The following FGF12 variants were observed in gnomAD, a reference collection of about 807,000 sequenced individuals.
FGF12 encodes the protein fibroblast growth factor 12B.
Under a neutral mutation model 23.6 loss-of-function variants are expected in FGF12, and 14 were observed. The observed-to-expected ratio is 0.59, with a 90% CI of 0.39 to 0.93. The LOEUF (loss-of-function observed/expected upper bound fraction) is 0.93. Ranked by LOEUF, FGF12 falls within the 40% of genes least tolerant of loss-of-function variation. The probability of loss-of-function intolerance (pLI) is 0.00; values close to 1 mark genes in which losing one functional copy is unlikely to be tolerated. For missense variants in FGF12, 175 were observed against 217.8 expected (o/e 0.80, Z 1.24); for synonymous variants, 62 against 77.3 (o/e 0.80, Z 1.04).
At chr3:192,435,092 C>T (rs1189740557) in intron 2 of FGF12, among the ~76,000 whole-genome samples, 1 of 152,144 alleles carries the variant, frequency 6.6e-6, no homozygotes, top group Non-Finnish European at 1.5e-5. Flanking sequence ...TTTTCCTCAA[C>T]AGGGTAAGTG....
At chr3:192,228,254 A>T (rs1449249520) in intron 4 of FGF12, among the ~76,000 whole-genome samples, 1 of 152,112 alleles carries the variant, frequency 6.6e-6, no homozygotes, top group Non-Finnish European at 1.5e-5. Flanking sequence ...TACTCCATAC[A>T]TATAAAAAAT....
At chr3:192,230,914 A>AC (rs1209918389) in intron 4 of FGF12, among the ~76,000 whole-genome samples, 1 of 152,214 alleles carries the variant, frequency 6.6e-6, no homozygotes, top group Non-Finnish European at 1.5e-5. Context: ...AATTTTCAAA[A>AC]CAAGAAATGA....
chr3:192,190,736 A>G (rs1716748146), intron 4 of FGF12, among the ~76,000 whole-genome samples: 1 of 152,028 alleles, frequency 6.6e-6, no homozygotes, highest in African/African-American at 2.4e-5. Context: ...CGGCCTCCCA[A>G]AGTGCTGGGA....
At chr3:192,573,087 T>C (rs960805918) in intron 2 of FGF12, among the ~76,000 whole-genome samples, 2 of 151,890 alleles carry the variant, frequency 1.3e-5, no homozygotes, top group Admixed American at 1.3e-4. Flanking sequence ...TACTAAAGAG[T>C]CTCATTCTAT....
intron 2 of FGF12, among the ~76,000 whole-genome samples, chr3:192,416,940 T>G (rs1487784873): frequency 1.3e-5 from 2 of 152,120 alleles, no homozygotes. Flanking sequence ...AGAATATTTC[T>G]TTAAACAGTA....
chr3:192,664,586 T>TAAA (rs1716786499), intron 2 of FGF12, among the ~76,000 whole-genome samples: 1 of 47,242 alleles, frequency 2.1e-5, no homozygotes, highest in African/African-American at 9.3e-5. Context: ...CTGTCTCTAC[T>TAAA]AAAAATACAA....
In FGF12 at chr3:192,409,539, G is replaced by A. The variant is rs750819899; in HGVS notation, c.14-49001C>T. ...GCAGCAGATCAGATGGGGATTACCC[G>A]CCGGACGCAAGGCCGATCACTCAGT... On this transcript the variant is annotated intron_variant, in intron 2 of 5. Coordinates refer to ENST00000445105, the MANE Select transcript of FGF12 (RefSeq NM_004113.6). The surrounding 1 kb of genome is among the most constrained non-coding windows in gnomAD (Gnocchi z 4.8). 2.0e-5 allele frequency among the ~76,000 whole-genome samples: 3 copies of A among 152,230 alleles called. No homozygotes were observed. Among genetic ancestry groups the A allele is most frequent in the African/African-American group, 7.2e-5 (3 of 41,470 alleles).
At chr3:192,701,261 C>T (rs1718287321) in intron 2 of FGF12, among the ~76,000 whole-genome samples, 1 of 152,122 alleles carries the variant, frequency 6.6e-6, no homozygotes, top group South Asian at 2.1e-4. Context: ...TTTGAGTTGT[C>T]CTGTCTTTCC....
intron 4 of FGF12, among the ~76,000 whole-genome samples, chr3:192,239,961 T>G (rs966351330): frequency 5.3e-5 from 8 of 152,162 alleles, no homozygotes; most frequent in African/African-American, 1.4e-4. Flanking sequence ...AAAAGTTGTA[T>G]TAGACACTAT....
At position 192,205,346 on chromosome 3, in the gene FGF12, C is replaced by G. The variant is rs114975798; in HGVS notation, c.229-34690G>C. On this transcript the variant is annotated intron_variant, in intron 4 of 5. Coordinates refer to ENST00000445105, the MANE Select transcript of FGF12 (RefSeq NM_004113.6). The stretch of plus-strand genomic sequence containing the variant: ...AAAGAAATACCGCCAACTACCATAC[C>G]ATATCCTACCCCCATGTTAATATAA... Among the ~76,000 whole-genome samples, 1,108 of 152,210 alleles carry G rather than the reference C, an allele frequency of 7.3e-3. 7 individuals are homozygous for G. The highest frequency in any genetic ancestry group is 0.012 in the Non-Finnish European group (846 of 68,004).
At chr3:192,263,543 A>G (rs572276143) in intron 4 of FGF12, among the ~76,000 whole-genome samples, 2 of 151,206 alleles carry the variant, frequency 1.3e-5, no homozygotes, top group Admixed American at 6.6e-5. Flanking sequence ...AATAAAAAAA[A>G]AGAGGGAAAA....
At position 192,227,883 on chromosome 3, in the gene FGF12, T is replaced by A. The variant is rs138045390; in HGVS notation, c.229-57227A>T. On this transcript the variant is annotated intron_variant, in intron 4 of 5. Transcript: ENST00000445105. ...CTGCAAATAGTTGAAGCAAGGGGAA[T>A]GTTTTTCAAAACAAAAAAATGTTTT... Among the ~76,000 whole-genome samples, 278 of 152,288 alleles carry A rather than the reference T, an allele frequency of 1.8e-3. 1 individual carries two copies. The highest frequency in any genetic ancestry group is 0.017 in the Middle Eastern group (5 of 294).
At chr3:192,263,913 T>G (rs915762247) in intron 4 of FGF12, among the ~76,000 whole-genome samples, 1 of 152,132 alleles carries the variant, frequency 6.6e-6, no homozygotes, top group Non-Finnish European at 1.5e-5. Context: ...TTATTCTTCT[T>G]TGACTCAAAA....
chr3:192,558,202 CAG>C (rs1711867209), intron 2 of FGF12, among the ~76,000 whole-genome samples: 1 of 151,590 alleles, frequency 6.6e-6, no homozygotes, highest in African/African-American at 2.4e-5. Context: ...AATAAACAAA[CAG>C]AAAAACAGAG....
At chr3:192,475,726 T>A (rs1419671275) in intron 2 of FGF12, among the ~76,000 whole-genome samples, 1 of 152,170 alleles carries the variant, frequency 6.6e-6, no homozygotes, top group Non-Finnish European at 1.5e-5. Context: ...ATGAAAGGAT[T>A]ACACGTCAGT....
At chr3:192,210,236 A>T (rs1717859666) in intron 4 of FGF12, among the ~76,000 whole-genome samples, 1 of 152,200 alleles carries the variant, frequency 6.6e-6, no homozygotes, top group African/African-American at 2.4e-5. Flanking sequence ...AGGAAACAGA[A>T]ACTGGATTTC....
intron 2 of FGF12, among the ~76,000 whole-genome samples, chr3:192,478,727 A>C (rs573087047): frequency 6.6e-6 from 1 of 152,324 alleles, no homozygotes; most frequent in East Asian, 1.9e-4. Flanking sequence ...TGAAAGAAAA[A>C]TGAAGTTTAG....
At chr3:192,377,689 C>CCCTT (rs1719583666) in intron 2 of FGF12, among the ~76,000 whole-genome samples, 1 of 152,176 alleles carries the variant, frequency 6.6e-6, no homozygotes, top group Non-Finnish European at 1.5e-5. Flanking sequence ...TCTGCCTGAT[C>CCCTT]CCTTCCAAGT....
At chr3:192,146,559 G>A (rs986103012) in intron 5 of FGF12, among the ~76,000 whole-genome samples, 4 of 152,144 alleles carry the variant, frequency 2.6e-5, no homozygotes, top group African/African-American at 7.2e-5. Flanking sequence ...ATGAGCCATC[G>A]CGCCTGGCCT....
Sources: gnomAD v4.1 joint callset for allele counts (sites outside exome capture counted in the v4.1 genomes callset) on GRCh38, gnomAD v4.1.1 for gene constraint, Gnocchi (gnomAD v3.1) non-coding constraint, MANE v1.5 for transcripts, NCBI Gene and HGNC (gene_info 2026-07-23, HGNC 2026-07-21) for gene names.